LRP1B: variants seen among roughly 807,000 people sequenced by gnomAD.
LRP1B encodes LDL receptor related protein 1B, also known as low-density lipoprotein receptor-related protein 1B.
A neutral mutation model predicts 556.6 loss-of-function variants in LRP1B; 217 were observed. That is an observed-to-expected ratio of 0.39 (90% CI 0.35 to 0.44). LRP1B has a LOEUF of 0.44. Among genes scored for constraint, LRP1B ranks in the 20% least tolerant of loss-of-function variants. LRP1B has a pLI of 1.00. For missense variants in LRP1B, 5,053 were observed against 5,620.8 expected, an observed-to-expected ratio of 0.90 and a Z score of 3.23; for synonymous variants, 2,047 against 1,865.8, an observed-to-expected ratio of 1.10 and a Z score of -2.50.
chr2:141,843,472 CA>C (rs1697545100), intron 1 of LRP1B, among the ~76,000 whole-genome samples: 1 of 152,114 alleles, frequency 6.6e-6, no homozygotes, highest in South Asian at 2.1e-4. Context: ...TGCATGATCA[CA>C]ATCTAAGTTG....
intron 1 of LRP1B, among the ~76,000 whole-genome samples, chr2:142,129,961 A>AAAAG (rs1707789928): frequency 6.6e-6 from 1 of 152,158 alleles, no homozygotes; most frequent in African/African-American, 2.4e-5. Flanking sequence ...GAGAAAAAGG[A>AAAAG]AAAGCAAAGC....
intron 18 of LRP1B, among the ~76,000 whole-genome samples, chr2:140,958,177 T>C (rs1448607223): frequency 6.6e-6 from 1 of 151,474 alleles, no homozygotes; most frequent in East Asian, 1.9e-4. Context: ...GTGACTAAAA[T>C]TCAGCAGACC....
intron 3 of LRP1B, among the ~76,000 whole-genome samples, chr2:141,317,551 C>A (rs1293190501): frequency 1.3e-5 from 2 of 152,150 alleles, no homozygotes; most frequent in African/African-American, 2.4e-5. Flanking sequence ...AGGACTTCAA[C>A]ATATGCTTTG....
chr2:140,657,590 C>T (rs1216772301), intron 41 of LRP1B, among the ~76,000 whole-genome samples: 18 of 141,880 alleles, frequency 1.3e-4, no homozygotes, highest in Admixed American at 2.2e-4. Flanking sequence ...TATATACATA[C>T]ATACATATAT....
intron 2 of LRP1B, among the ~76,000 whole-genome samples, chr2:141,723,284 A>T (rs1324224569): frequency 6.7e-6 from 1 of 149,280 alleles, no homozygotes; most frequent in Non-Finnish European, 1.5e-5. Flanking sequence ...GTGAACTCCC[A>T]TTAATATTAT....
chr2:140,827,169 C>G (rs1450761171), intron 31 of LRP1B, among the ~76,000 whole-genome samples: 2 of 152,130 alleles, frequency 1.3e-5, no homozygotes, highest in Non-Finnish European at 2.9e-5. Flanking sequence ...AAAACCAACA[C>G]AAGCCAGACA....
At chr2:140,403,629 G>A (rs980564280) in intron 66 of LRP1B, among the ~76,000 whole-genome samples, 1 of 152,110 alleles carries the variant, frequency 6.6e-6, no homozygotes, top group Non-Finnish European at 1.5e-5. Context: ...ATGGGGTTGT[G>A]TAAAATGACA....
intron 1 of LRP1B, among the ~76,000 whole-genome samples, chr2:141,893,815 G>C (rs1016849234): frequency 1.6e-4 from 24 of 152,116 alleles, no homozygotes; most frequent in Non-Finnish European, 7.4e-5. Context: ...AAGTACCAAT[G>C]AAAATAAAAC....
At chr2:140,822,474 G>A (rs563595013) in intron 31 of LRP1B, among the ~76,000 whole-genome samples, 21 of 152,288 alleles carry the variant, frequency 1.4e-4, no homozygotes, top group Admixed American at 1.3e-3. Flanking sequence ...ACAAGCAAGC[G>A]AAGTCAGTGA....
chr2:141,247,877 T>C (rs1684124639), intron 4 of LRP1B, among the ~76,000 whole-genome samples: 1 of 152,178 alleles, frequency 6.6e-6, no homozygotes, highest in Admixed American at 6.5e-5. Flanking sequence ...TGTAGTCCTC[T>C]ACAGATATTA....
intron 66 of LRP1B, among the ~76,000 whole-genome samples, chr2:140,413,307 C>T (rs1002136996): frequency 6.6e-5 from 10 of 152,144 alleles, no homozygotes; most frequent in Non-Finnish European, 4.4e-5. Flanking sequence ...TTCTTGTATA[C>T]TCCAGATGTA....
At position 141,089,434 on chromosome 2, in the gene LRP1B, T is replaced by C. The variant is rs80317514; in HGVS notation, c.1014-27161A>G. Reference sequence around the variant, plus strand: ...CGGAGAGTAATTAAAAACTTAGCAATGAAAATATACTATTTTGGATAGTAT... The same window carrying C: ...CGGAGAGTAATTAAAAACTTAGCAACGAAAATATACTATTTTGGATAGTAT... On this transcript the variant is annotated intron_variant, in intron 7 of 90. Coordinates refer to ENST00000389484, the MANE Select transcript of LRP1B (RefSeq NM_018557.3). 6.3e-3 allele frequency among the ~76,000 whole-genome samples: 956 copies of C among 152,290 alleles called. 12 individuals are homozygous for C. The highest frequency in any genetic ancestry group is 0.022 in the African/African-American group (900 of 41,558).
chr2:140,718,814 T>C (rs1158488023), intron 35 of LRP1B, among the ~76,000 whole-genome samples: 1 of 151,998 alleles, frequency 6.6e-6, no homozygotes, highest in Non-Finnish European at 1.5e-5. Flanking sequence ...GATCTTCCTG[T>C]TCCTAAAATA....
At chr2:140,862,282 G>T (rs1169145768) in intron 27 of LRP1B, among the ~76,000 whole-genome samples, 1 of 152,082 alleles carries the variant, frequency 6.6e-6, no homozygotes, top group African/African-American at 2.4e-5. Context: ...AAAACCAAAT[G>T]AAGAATACTA....
intron 63 of LRP1B, among the ~76,000 whole-genome samples, chr2:140,447,034 A>G (rs1168289362): frequency 6.6e-6 from 1 of 152,154 alleles, no homozygotes; most frequent in African/African-American, 2.4e-5. Flanking sequence ...AAAACATTAT[A>G]CAAATGGCCA....
intron 2 of LRP1B, among the ~76,000 whole-genome samples, chr2:141,704,702 T>C (rs894463841): frequency 7.2e-5 from 11 of 152,016 alleles, no homozygotes; most frequent in African/African-American, 2.4e-4. Flanking sequence ...CATATTTTCT[T>C]CCTCATATCT....
chr2:140,354,868 T>C (rs1267627018), intron 75 of LRP1B, among the ~76,000 whole-genome samples: 1 of 152,066 alleles, frequency 6.6e-6, no homozygotes, highest in Admixed American at 6.6e-5. Context: ...GTGTTTGGGC[T>C]TTAACATCAA....
At position 141,019,766 on chromosome 2, in the gene LRP1B, A is replaced by G. The variant is rs559741936; in HGVS notation, c.1970+156T>C. On this transcript the variant is annotated intron_variant, in intron 12 of 90. Coordinates refer to ENST00000389484, the MANE Select transcript of LRP1B (RefSeq NM_018557.3). ...GTTTCTTTAGTACATTCTCTAGTAC[A>G]GAAAAACCCTTAAATGTGTAACTTT... 3.3e-5 allele frequency among the ~76,000 whole-genome samples: 5 copies of G among 152,230 alleles called. No homozygotes were observed. In the East Asian group the frequency reaches 9.7e-4, roughly 30 times the overall value.
At chr2:141,378,440 TGTG>T (rs1353349689) in intron 3 of LRP1B, among the ~76,000 whole-genome samples, 3 of 152,178 alleles carry the variant, frequency 2.0e-5, no homozygotes, top group South Asian at 2.1e-4. Context: ...CATGGTAGGC[TGTG>T]GTGGAATGAA....
Sources: allele counts gnomAD v4.1 joint callset (sites outside exome capture counted in the v4.1 genomes callset), GRCh38; gene constraint gnomAD v4.1.1; transcripts MANE v1.5; gene names NCBI Gene and HGNC (gene_info 2026-07-23, HGNC 2026-07-21).